PHLPP2: variants seen among roughly 807,000 people sequenced by gnomAD.
PHLPP2 encodes the protein PH domain and leucine rich repeat protein phosphatase 2, also known as PH domain leucine-rich repeat-containing protein phosphatase 2.
PHLPP2 carries 66 observed loss-of-function variants against 124.9 expected under a neutral mutation model. The observed-to-expected ratio is 0.53, with a 90% CI of 0.43 to 0.65. The LOEUF is 0.65. Among genes scored for constraint, PHLPP2 ranks in the 30% least tolerant of loss-of-function variants. PHLPP2 has a pLI of 0.00. For synonymous variants in PHLPP2, 681 were observed against 624.7 expected, an observed-to-expected ratio of 1.09 and a Z score of -1.34; for missense variants, 1,685 against 1,600.4, an observed-to-expected ratio of 1.05 and a Z score of -0.90.
In PHLPP2 at chr16:71,676,623, A is replaced by G. The variant is rs756904478; in HGVS notation, c.1295T>C (p.Ile432Thr). 5 of 1,613,676 alleles carry G rather than the reference A, an allele frequency of 3.1e-6. No individual in the cohort carries two copies. Among genetic ancestry groups the G allele is most frequent in the Non-Finnish European group, 4.2e-6 (5 of 1,179,528 alleles). The change falls in exon 9 of 19, where the codon ATT becomes ACT. Residue 432 changes from isoleucine (I) to threonine (T), a missense_variant. Coordinates refer to ENST00000568954, the MANE Select transcript of PHLPP2 (RefSeq NM_015020.3). ...LRMNHLKTMV[I>T]ENLEGNKHIT... ...GTGTTTATTTCCCTCCAGATTTTCA[A>G]TAACCATGGTTTTCAAATGGTTCAT...
intron 17 of PHLPP2, chr16:71,654,971 C>T (rs958486460): frequency 7.5e-6 from 3 of 397,892 alleles, no homozygotes; most frequent in Admixed American, 3.7e-5. Flanking sequence ...CATATATATA[C>T]ACACACAACA....
At chr16:71,682,927 G>T (rs7187948) in intron 5 of PHLPP2, among the ~76,000 whole-genome samples, 129,339 of 152,210 alleles carry the variant, frequency 0.85, 55,117 homozygotes, top group East Asian at 0.99. Flanking sequence ...ATCCAGCACT[G>T]TGGGAGGCCA....
At chr16:71,682,303 C>T (rs1297580685) in intron 5 of PHLPP2, among the ~76,000 whole-genome samples, 5 of 151,058 alleles carry the variant, frequency 3.3e-5, no homozygotes, top group Admixed American at 6.6e-5. Flanking sequence ...CTGCATCCTC[C>T]GTCTCCTGGG....
At chr16:71,655,126 G>T (rs1448627555) in intron 17 of PHLPP2, 114 bp downstream of exon 17, 5 of 722,884 alleles carry the variant, frequency 6.9e-6, no homozygotes, top group Non-Finnish European at 1.2e-5. Flanking sequence ...AGACAACAAC[G>T]TGAGTTCTCT....
chr16:71,691,729 CT>C (rs1440461513), intron 3 of PHLPP2, among the ~76,000 whole-genome samples: 1 of 152,020 alleles, frequency 6.6e-6, no homozygotes, highest in Middle Eastern at 3.2e-3. Context: ...GGAAATTCTA[CT>C]TCTCATCAGA....
At chr16:71,664,235 T>A (rs2044819120) in intron 12 of PHLPP2, 136 bp from the exon 13 acceptor site, 2 of 653,834 alleles carry the variant, frequency 3.1e-6, no homozygotes. Context: ...AATCTCCACG[T>A]AGTTTTTCTC....
At chr16:71,658,415 T>G in intron 14 of PHLPP2, 52 bp from the exon 15 acceptor site, 1 of 1,532,494 alleles carries the variant, frequency 6.5e-7, no homozygotes, top group Non-Finnish European at 8.9e-7. Context: ...GACTTAGTTC[T>G]TTACTCCCAA....
intron 13 of PHLPP2, among the ~76,000 whole-genome samples, chr16:71,660,314 T>C (rs2044777138): frequency 3.8e-5 from 5 of 132,752 alleles, no homozygotes; most frequent in Admixed American, 3.5e-4. Context: ...AGTTTGAGGC[T>C]GCAGTGAGTT....
intron 5 of PHLPP2, among the ~76,000 whole-genome samples, chr16:71,684,272 C>T (rs1474070677): frequency 6.6e-6 from 1 of 151,668 alleles, no homozygotes; most frequent in African/African-American, 2.4e-5. Context: ...ACTACAGGTG[C>T]ATGCCACCAC....
intron 7 of PHLPP2, 28 bp from the exon 8 acceptor site, chr16:71,679,013 C>T (rs549891953): frequency 7.9e-7 from 1 of 1,271,824 alleles, no homozygotes; most frequent in African/African-American, 1.5e-5. Context: ...AACAAGTCTA[C>T]TTTATGAAAG....
chr16:71,681,480 G>A (rs2044997070), intron 6 of PHLPP2, among the ~76,000 whole-genome samples: 2 of 152,144 alleles, frequency 1.3e-5, no homozygotes, highest in Admixed American at 6.6e-5. Flanking sequence ...ATCTCCTGAT[G>A]TAACTTGGCA....
intron 4 of PHLPP2, among the ~76,000 whole-genome samples, chr16:71,686,117 C>CA: frequency 6.6e-6 from 1 of 152,196 alleles, no homozygotes; most frequent in Non-Finnish European, 1.5e-5. Context: ...AACACACACA[C>CA]AAAAAAGTCC....
chr16:71,700,706 T>C (rs928071799), intron 3 of PHLPP2, among the ~76,000 whole-genome samples: 16 of 151,976 alleles, frequency 1.1e-4, no homozygotes, highest in African/African-American at 3.9e-4. Context: ...TTTGTATTTT[T>C]AGTAGAGACA....
At chr16:71,713,259 T>C (rs2045335140) in intron 2 of PHLPP2, among the ~76,000 whole-genome samples, 3 of 152,214 alleles carry the variant, frequency 2.0e-5, no homozygotes, top group Admixed American at 1.3e-4. Flanking sequence ...TTAACAATCA[T>C]TTCTATTTAA....
chr16:71,692,104 CT>C (rs1295086246), intron 3 of PHLPP2, among the ~76,000 whole-genome samples: 3 of 151,824 alleles, frequency 2.0e-5, no homozygotes, highest in African/African-American at 7.3e-5. Flanking sequence ...GAGTCTTGCT[CT>C]GTCGCCCAGG....
rs371346085 is a variant in PHLPP2, at chr16:71,684,585, C to T, written c.626G>A (p.Arg209Gln). Residue 209 changes from arginine (R) to glutamine (Q), a missense_variant, in exon 5 of 19, where the codon CGA (arginine) becomes CAA (glutamine). Physicochemically the swap from Arg to Gln is conservative, Grantham distance 43. Transcript: ENST00000568954. ...GCTGAAAGCAAGGGAGTATTGCCGT[C>T]GCTTCACTTCTTCTATCTGAAGAAG... ...LVGGKIEEVK[R>Q]RQYSLAFSSA... The T allele has an allele frequency of 5.0e-6, 8 of 1,612,630 alleles. No individual in the cohort carries two copies. Among genetic ancestry groups the T allele is most frequent in the South Asian group, 2.2e-5 (2 of 90,994 alleles).
rs756865892 is a variant in PHLPP2, at chr16:71,664,051, G to A, written c.1833C>T (p.Ser611=). 28 of 1,613,692 alleles carry A rather than the reference G, an allele frequency of 1.7e-5. No homozygotes were observed. The highest frequency in any genetic ancestry group is 5.0e-5 in the Admixed American group (3 of 59,980). Reference sequence around the variant, plus strand: ...TCAAACTCTCCTCTCCAGTGCAGGCGGATGGTAAAGACTCCAGACTATTTG... The same window carrying A: ...TCAAACTCTCCTCTCCAGTGCAGGCAGATGGTAAAGACTCCAGACTATTTG... ...ASANSLESLP[S]ACTGEESLSM... is the part of the protein sequence containing the mutation. The change falls in exon 13 of 19, where the codon TCC becomes TCT. Residue 611 remains serine, a synonymous_variant. Coordinates refer to ENST00000568954, the MANE Select transcript of PHLPP2 (RefSeq NM_015020.3).
chr16:71,683,903 G>A, intron 5 of PHLPP2, among the ~76,000 whole-genome samples: 1 of 151,836 alleles, frequency 6.6e-6, no homozygotes, highest in Non-Finnish European at 1.5e-5. Flanking sequence ...CGATTCTCCT[G>A]CAGCTCAGCA....
Position 71,656,621 on chromosome 16 carries a change from C to T in PHLPP2, c.2340G>A (p.Thr780=), listed in dbSNP as rs184881122. The T allele has an allele frequency of 5.0e-6, 8 of 1,613,648 alleles. No homozygotes were observed. Among genetic ancestry groups the T allele is most frequent in the Admixed American group, 3.3e-5 (2 of 60,000 alleles). The change falls in exon 16 of 19, where the codon ACG becomes ACA. Residue 780 remains threonine, a synonymous_variant. Transcript: ENST00000568954. ...CCAGTCCATGGCTCCAGAAGGTTGACGTAACTGTAGAATCTGTGGTTGGCA... is the reference window on the plus strand; with the variant it reads ...CCAGTCCATGGCTCCAGAAGGTTGATGTAACTGTAGAATCTGTGGTTGGCA... ...KPLPTTDSTV[T]STFWSHGLAE...
Sources: gnomAD v4.1 joint callset for allele counts (sites outside exome capture counted in the v4.1 genomes callset) on GRCh38, gnomAD v4.1.1 for gene constraint, MANE v1.5 for transcripts, NCBI Gene and HGNC (gene_info 2026-07-23, HGNC 2026-07-21) for gene names.